CADM2: variants seen among roughly 807,000 people sequenced by gnomAD.
CADM2 encodes the protein cell adhesion molecule 2, also known as immunoglobulin superfamily member 4D.
A neutral mutation model predicts 49.8 loss-of-function variants in CADM2; 12 were observed. That is an observed-to-expected ratio of 0.24 (90% confidence interval 0.15 to 0.39). The LOEUF (loss-of-function observed/expected upper bound fraction) is 0.39, where lower values mean the gene tolerates loss of function less well. CADM2 is among the 10% of genes least tolerant of loss of function. The probability of loss-of-function intolerance (pLI) is 1.00; values close to 1 mark genes in which losing one functional copy is unlikely to be tolerated. For missense variants in CADM2, 378 were observed against 492.3 expected (o/e 0.77, Z 2.20); for synonymous variants, 214 against 175.4 (o/e 1.22, Z -1.74).
At chr3:85,681,756 G>GA (rs1206875565) in intron 1 of CADM2, among the ~76,000 whole-genome samples, 2 of 152,080 alleles carry the variant, frequency 1.3e-5, no homozygotes, top group East Asian at 3.9e-4. Flanking sequence ...GTAGCACAGA[G>GA]AAAAAAATTA....
intron 1 of CADM2, among the ~76,000 whole-genome samples, chr3:85,569,422 A>G (rs2062411184): frequency 6.6e-6 from 1 of 152,084 alleles, no homozygotes; most frequent in African/African-American, 2.4e-5. Flanking sequence ...TTTGTGTGCA[A>G]CTTTTTGTGT....
At chr3:85,368,117 T>C (rs989042592) in intron 1 of CADM2, among the ~76,000 whole-genome samples, 5 of 152,104 alleles carry the variant, frequency 3.3e-5, no homozygotes. Flanking sequence ...TTTTTCCAGT[T>C]ACCAAGGCTA....
chr3:85,753,336 G>A (rs183762698), intron 2 of CADM2, among the ~76,000 whole-genome samples: 5 of 152,048 alleles, frequency 3.3e-5, no homozygotes, highest in African/African-American at 4.8e-5. Context: ...GGAAAGAAAG[G>A]TAAAAGAAAA....
intron 1 of CADM2, among the ~76,000 whole-genome samples, chr3:85,672,236 A>G (rs1385052403): frequency 1.5e-5 from 2 of 132,288 alleles, no homozygotes; most frequent in Admixed American, 8.9e-5. Context: ...TCTTTCGCCC[A>G]GGCCAGAGTG....
At chr3:85,387,232 A>G (rs757508962) in intron 1 of CADM2, among the ~76,000 whole-genome samples, 1 of 152,200 alleles carries the variant, frequency 6.6e-6, no homozygotes, top group Non-Finnish European at 1.5e-5. Context: ...TTTCCCCCTA[A>G]ATCATTCATA....
chr3:85,322,245 G>T (rs978978230), intron 1 of CADM2, among the ~76,000 whole-genome samples: 2 of 152,096 alleles, frequency 1.3e-5, no homozygotes, highest in Admixed American at 1.3e-4. Flanking sequence ...ATCCAGCTTT[G>T]CTTAATTCTT....
chr3:85,578,659 T>C (rs929189782), intron 1 of CADM2, among the ~76,000 whole-genome samples: 7 of 152,244 alleles, frequency 4.6e-5, no homozygotes, highest in Admixed American at 2.6e-4. Flanking sequence ...TACAACCTGA[T>C]AGTACTTGTG....
At chr3:85,400,085 T>A (rs1056125298) in intron 1 of CADM2, among the ~76,000 whole-genome samples, 4 of 152,194 alleles carry the variant, frequency 2.6e-5, no homozygotes, top group African/African-American at 9.6e-5. Context: ...GGCTGTGGGC[T>A]CGTCATAGGT....
At chr3:85,500,047 A>T (rs2040052500) in intron 1 of CADM2, among the ~76,000 whole-genome samples, 1 of 152,180 alleles carries the variant, frequency 6.6e-6, no homozygotes. Flanking sequence ...CTTTTAATTT[A>T]TTACTCAGTA....
Position 85,684,699 on chromosome 3 carries a change from G to C in CADM2, c.62-41823G>C, listed in dbSNP as rs146023236. 1.9e-4 allele frequency among the ~76,000 whole-genome samples: 29 copies of C among 152,250 alleles called. No individual in the cohort carries two copies. In the East Asian group the frequency reaches 3.7e-3, roughly 19 times the overall value. On this transcript the variant is annotated intron_variant, in intron 1 of 9. Transcript: ENST00000383699. ...GATATGATAATGGTGGCAGATAAGA[G>C]AGAATGAGAGCCAATCAAAAGGGGA...
chr3:85,075,069 G>A (rs182312885), intron 1 of CADM2, among the ~76,000 whole-genome samples: 2 of 151,996 alleles, frequency 1.3e-5, no homozygotes, highest in African/African-American at 4.8e-5. Flanking sequence ...CATAAAGGAG[G>A]GGAAAAAAGA....
At chr3:85,570,516 T>G (rs966808436) in intron 1 of CADM2, among the ~76,000 whole-genome samples, 2 of 152,144 alleles carry the variant, frequency 1.3e-5, no homozygotes, top group Admixed American at 6.6e-5. Context: ...ACAATTAAAG[T>G]CTATATTGTA....
rs189971850 is a variant in CADM2, at chr3:85,668,391, T to A, written c.62-58131T>A. On this transcript the variant is annotated intron_variant, in intron 1 of 9. Transcript: ENST00000383699. ...GTTTGGAAATAATAAATACATTAGA[T>A]TTTCTTTGTTCAATGAACAAGGTGG... 2.9e-4 allele frequency among the ~76,000 whole-genome samples: 44 copies of A among 151,082 alleles called. 1 individual carries two copies. Among genetic ancestry groups the A allele is most frequent in the Admixed American group, 2.9e-3 (44 of 15,166 alleles).
chr3:85,804,560 T>A (rs1482347249), intron 3 of CADM2, among the ~76,000 whole-genome samples: 1 of 152,134 alleles, frequency 6.6e-6, no homozygotes, highest in African/African-American at 2.4e-5. Context: ...TTTAAGGAGA[T>A]TTTTAAGAGT....
intron 1 of CADM2, among the ~76,000 whole-genome samples, chr3:85,075,912 A>G (rs1411399292): frequency 6.6e-6 from 1 of 152,160 alleles, no homozygotes; most frequent in African/African-American, 2.4e-5. Context: ...TTTCAAATGT[A>G]GTTACATTAA....
intron 1 of CADM2, among the ~76,000 whole-genome samples, chr3:85,337,735 A>T (rs1449073975): frequency 2.6e-5 from 4 of 151,414 alleles, no homozygotes; most frequent in Non-Finnish European, 3.0e-5. Flanking sequence ...CCCAAAACTA[A>T]GCCTGGATTT....
intron 2 of CADM2, among the ~76,000 whole-genome samples, chr3:85,785,675 A>T (rs1300902885): frequency 1.3e-5 from 2 of 152,066 alleles, no homozygotes; most frequent in Non-Finnish European, 2.9e-5. Flanking sequence ...TGTGCATAAT[A>T]GCCATTTGTA....
intron 8 of CADM2, among the ~76,000 whole-genome samples, chr3:85,987,549 TA>T (rs1198548854): frequency 6.7e-6 from 1 of 148,632 alleles, no homozygotes; most frequent in African/African-American, 2.4e-5. Context: ...TATAAACCAT[TA>T]AAAAATTCAT....
intron 8 of CADM2, among the ~76,000 whole-genome samples, chr3:85,989,664 G>A (rs1398648510): frequency 1.3e-5 from 2 of 152,048 alleles, no homozygotes; most frequent in Non-Finnish European, 1.5e-5. Flanking sequence ...TTACATGTCA[G>A]ATTATATTTT....
Sources: allele counts gnomAD v4.1 joint callset (sites outside exome capture counted in the v4.1 genomes callset), GRCh38; gene constraint gnomAD v4.1.1; transcripts MANE v1.5; gene names NCBI Gene and HGNC (gene_info 2026-07-23, HGNC 2026-07-21).